TNFRSF10A: variants seen among roughly 807,000 people sequenced by gnomAD.
TNFRSF10A encodes TNF receptor superfamily member 10a.
Under a neutral mutation model 42.8 loss-of-function variants are expected in TNFRSF10A, and 44 were observed. The observed-to-expected ratio is 1.03, with a 90% CI of 0.81 to 1.32. The LOEUF (loss-of-function observed/expected upper bound fraction) is 1.32, where lower values mean the gene tolerates loss of function less well. Ranked by LOEUF, TNFRSF10A falls within the 40% of genes most tolerant of loss-of-function variation. The pLI is 0.00. For synonymous variants in TNFRSF10A, 259 were observed against 234.2 expected (o/e 1.11, Z -0.97); for missense variants, 680 against 602.0 (o/e 1.13, Z -1.36).
At chr8:23,200,218 G>A (rs1800887186) in intron 6 of TNFRSF10A, among the ~76,000 whole-genome samples, 1 of 152,234 alleles carries the variant, frequency 6.6e-6, no homozygotes, top group East Asian at 1.9e-4. Context: ...ATCCAGTTGA[G>A]GAGCTGACTG....
At chr8:23,201,042 G>A (rs7013128) in intron 4 of TNFRSF10A, among the ~76,000 whole-genome samples, 25,745 of 152,042 alleles carry the variant, frequency 0.17, 2,335 homozygotes, top group Middle Eastern at 0.22. Context: ...GGCTGCAGGG[G>A]AGGCCTGCGT....
At chr8:23,220,121 T>G (rs1307568160) in intron 1 of TNFRSF10A, among the ~76,000 whole-genome samples, 1 of 152,180 alleles carries the variant, frequency 6.6e-6, no homozygotes, top group Non-Finnish European at 1.5e-5. Context: ...CCTTTCCCCA[T>G]TATCACAGAT....
At chr8:23,222,613 G>A (rs1348211898) in intron 1 of TNFRSF10A, among the ~76,000 whole-genome samples, 3 of 152,220 alleles carry the variant, frequency 2.0e-5, no homozygotes, top group Non-Finnish European at 4.4e-5. Flanking sequence ...GAGGGATGGT[G>A]GGATGAGAGG....
At chr8:23,200,129 A>G (rs1800886088) in intron 6 of TNFRSF10A, among the ~76,000 whole-genome samples, 1 of 152,216 alleles carries the variant, frequency 6.6e-6, no homozygotes, top group Admixed American at 6.5e-5. Context: ...CAAGTGGAAC[A>G]TCACTGTTTT....
chr8:23,196,360 A>T (rs1439537807), intron 9 of TNFRSF10A, among the ~76,000 whole-genome samples: 1 of 151,212 alleles, frequency 6.6e-6, no homozygotes, highest in Non-Finnish European at 1.5e-5. Flanking sequence ...CGCCTGGCTA[A>T]TTTTTTTTTG....
chr8:23,201,605 CA>C (rs1800919046), intron 4 of TNFRSF10A, among the ~76,000 whole-genome samples: 2 of 151,906 alleles, frequency 1.3e-5, no homozygotes, highest in Admixed American at 6.6e-5. Context: ...CTGCAGGGGA[CA>C]GGGGTGGGGA....
chr8:23,196,653 A>G (rs1466861822), intron 9 of TNFRSF10A, among the ~76,000 whole-genome samples: 1 of 152,230 alleles, frequency 6.6e-6, no homozygotes, highest in Non-Finnish European at 1.5e-5. Flanking sequence ...CCCTCTGTGC[A>G]GTGAGCACCA....
chr8:23,213,430 G>GCTC (rs1801117902), intron 1 of TNFRSF10A, among the ~76,000 whole-genome samples: 1 of 96,550 alleles, frequency 1.0e-5, no homozygotes, highest in Admixed American at 1.3e-4. Flanking sequence ...GGCTTAGTTT[G>GCTC]CTCCTCTTTT....
At position 23,202,517 on chromosome 8, in the gene TNFRSF10A, C is replaced by T. The variant is rs1800946123; in HGVS notation, c.517+131G>A. ...TCTGTTTCATTTTATGGACCTAAGA[C>T]ATAACCATGGAACAGGGTATGATGA... On this transcript the variant is annotated intron_variant, in intron 3 of 9. Coordinates refer to ENST00000221132, the MANE Select transcript of TNFRSF10A (RefSeq NM_003844.4). 1.3e-5 allele frequency: 9 copies of T among 683,402 alleles called. No homozygotes were observed. In the South Asian group the frequency reaches 1.4e-4, roughly 10 times the overall value. 42.3% of individuals were successfully genotyped at this position (683,402 alleles called of 1,614,324 possible). A position where few individuals can be genotyped will look rare whatever the true frequency, so the allele number is the denominator to read the frequency against.
At chr8:23,219,981 C>T (rs953791595) in intron 1 of TNFRSF10A, among the ~76,000 whole-genome samples, 3 of 152,192 alleles carry the variant, frequency 2.0e-5, no homozygotes, top group African/African-American at 7.2e-5. Context: ...CTGAGCTGCA[C>T]ACACTTTCCC....
intron 9 of TNFRSF10A, among the ~76,000 whole-genome samples, chr8:23,192,646 A>G (rs1052660694): frequency 6.6e-6 from 1 of 152,250 alleles, no homozygotes; most frequent in African/African-American, 2.4e-5. Context: ...GTACCAAGCT[A>G]TGTTTTCTAA....
At chr8:23,212,328 T>A in intron 1 of TNFRSF10A, 116 bp from the exon 2 acceptor site, 1 of 873,322 alleles carries the variant, frequency 1.1e-6, no homozygotes, top group Middle Eastern at 3.2e-4. Flanking sequence ...TGCATCTTTC[T>A]CCCAGTTCTA....
rs774657921 is a variant in TNFRSF10A, at chr8:23,192,000, G to C, written c.1101C>G (p.Phe367Leu). ...GADPTETLML[F>L]FDKFANIVPF... Reference sequence around the variant, plus strand: ...GCACGATGTTTGCAAACTTGTCAAAGAACAGCATCAGAGCTGGGTGGAGAA... The same window carrying C: ...GCACGATGTTTGCAAACTTGTCAAACAACAGCATCAGAGCTGGGTGGAGAA... The change falls in exon 10 of 10, where the codon TTC becomes TTG. Residue 367 changes from phenylalanine (F) to leucine (L), a missense_variant. By Grantham distance (22) the Phe-to-Leu change is conservative (BLOSUM62 0). Transcript: ENST00000221132. 6.2e-7 allele frequency: 1 copy of C among 1,613,404 alleles called. No homozygotes were observed. Among genetic ancestry groups the C allele is most frequent in the Admixed American group, 1.7e-5 (1 of 59,916 alleles).
intron 1 of TNFRSF10A, among the ~76,000 whole-genome samples, chr8:23,213,425 A>T (rs866818002): frequency 2.7e-5 from 3 of 110,032 alleles, no homozygotes; most frequent in East Asian, 2.9e-4. Flanking sequence ...GTTTGGGCTT[A>T]GTTTGCTCCT....
chr8:23,205,039 T>C (rs1055359391), intron 2 of TNFRSF10A, among the ~76,000 whole-genome samples: 2 of 151,564 alleles, frequency 1.3e-5, no homozygotes, highest in African/African-American at 4.9e-5. Context: ...AAACTATAGA[T>C]AAAGCAAGCA....
Position 23,199,262 on chromosome 8 carries a change from T to A in TNFRSF10A, c.1014+4A>T, listed in dbSNP as rs761351920. The A allele has an allele frequency of 1.2e-6, 2 of 1,610,264 alleles. No individual in the cohort carries two copies. The highest frequency in any genetic ancestry group is 1.7e-6 in the Non-Finnish European group (2 of 1,176,940). Reference sequence around the variant, plus strand: ...GGTCTTGGAGGGGCCTGTCCCCAACTCACCAGCAGACACTGTGCCTCCCCT... The same window carrying A: ...GGTCTTGGAGGGGCCTGTCCCCAACACACCAGCAGACACTGTGCCTCCCCT... On this transcript the variant is annotated splice_donor_region_variant and intron_variant, in intron 8 of 9. Coordinates refer to ENST00000221132, the MANE Select transcript of TNFRSF10A (RefSeq NM_003844.4).
At chr8:23,223,571 T>G (rs1235468500) in intron 1 of TNFRSF10A, among the ~76,000 whole-genome samples, 1 of 152,214 alleles carries the variant, frequency 6.6e-6, no homozygotes, top group Non-Finnish European at 1.5e-5. Flanking sequence ...AAAACATAAA[T>G]TCTGTAATTA....
At chr8:23,222,225 C>T (rs553736405) in intron 1 of TNFRSF10A, among the ~76,000 whole-genome samples, 53 of 152,246 alleles carry the variant, frequency 3.5e-4, no homozygotes, top group African/African-American at 1.2e-3. Flanking sequence ...AATCTTCTCC[C>T]GAAGTACAAT....
At chr8:23,206,971 G>A (rs1183888981) in intron 2 of TNFRSF10A, 1 of 344,530 alleles carries the variant, frequency 2.9e-6, no homozygotes, top group East Asian at 6.9e-5. Flanking sequence ...CTGAAGCGAT[G>A]CAAAGGTTTT....
Sources: allele counts gnomAD v4.1 joint callset (sites outside exome capture counted in the v4.1 genomes callset), GRCh38; gene constraint gnomAD v4.1.1; transcripts MANE v1.5; gene names NCBI Gene and HGNC (gene_info 2026-07-23, HGNC 2026-07-21).